UBXN2A: variants seen among roughly 807,000 people sequenced by gnomAD.
UBXN2A encodes the protein UBX domain protein 2A.
A neutral mutation model predicts 28.4 loss-of-function variants in UBXN2A; 28 were observed. The ratio of observed to expected loss-of-function variants is 0.99; its 90% CI spans 0.73 to 1.35. UBXN2A has a LOEUF of 1.35. Ranked by LOEUF, UBXN2A falls within the 40% of genes most tolerant of loss-of-function variation. UBXN2A has a pLI of 0.00. For synonymous variants in UBXN2A, 97 were observed against 103.6 expected (o/e 0.94, Z 0.39); for missense variants, 253 against 297.9 (o/e 0.85, Z 1.11).
chr2:23,939,764 G>C (rs1380353313), upstream of UBXN2A: 1 of 152,442 alleles, frequency 6.6e-6, no homozygotes, highest in Non-Finnish European at 1.5e-5. Context: ...GCATCCTTGA[G>C]TCCTGACAAA....
upstream of UBXN2A, among the ~76,000 whole-genome samples, chr2:23,936,516 G>A (rs1034995610): frequency 1.5e-4 from 23 of 151,268 alleles, no homozygotes; most frequent in African/African-American, 5.3e-4. Flanking sequence ...TTTGAGACTA[G>A]CCTGGGCAAC....
chr2:23,998,680 C>T (rs532356801), intron 6 of UBXN2A, among the ~76,000 whole-genome samples: 10 of 152,196 alleles, frequency 6.6e-5, no homozygotes, highest in South Asian at 2.1e-4. Flanking sequence ...AAGATCACGC[C>T]GCTGCATTCC....
At chr2:23,976,196 G>C (rs1261962115) in intron 3 of UBXN2A, among the ~76,000 whole-genome samples, 1 of 152,142 alleles carries the variant, frequency 6.6e-6, no homozygotes, top group African/African-American at 2.4e-5. Context: ...TGTAAATACT[G>C]TACAGCATAA....
intron 2 of UBXN2A, among the ~76,000 whole-genome samples, chr2:23,965,940 G>A (rs901471142): frequency 1.3e-5 from 2 of 152,062 alleles, no homozygotes; most frequent in Non-Finnish European, 2.9e-5. Flanking sequence ...TGTTTTGATA[G>A]AGGGTGCCTT....
chr2:23,927,879 A>C (rs1260053728), intron 1 of UBXN2A, among the ~76,000 whole-genome samples: 1 of 152,224 alleles, frequency 6.6e-6, no homozygotes, highest in Non-Finnish European at 1.5e-5. Context: ...AATTCATATG[A>C]AAAGCTCTGC....
chr2:23,992,763 T>C (rs72781653), intron 6 of UBXN2A, among the ~76,000 whole-genome samples: 18,685 of 152,230 alleles, frequency 0.12, 1,238 homozygotes, highest in Middle Eastern at 0.22. Flanking sequence ...CTGCCTGATA[T>C]TAATATGGTC....
Position 23,958,361 on chromosome 2 carries a change from T to C in UBXN2A, c.41+6T>C, listed in dbSNP as rs1706737526. 1 of 1,603,172 alleles carries C rather than the reference T, an allele frequency of 6.2e-7. No homozygotes were observed. The highest frequency in any genetic ancestry group is 8.5e-7 in the Non-Finnish European group (1 of 1,176,478). ...AAAAGTATAAAAGAAGAATGGTAAG[T>C]TAATTCAAACTGAATTGCTTTGTTA... On this transcript the variant is annotated splice_donor_region_variant and intron_variant, in intron 2 of 6. Coordinates refer to ENST00000309033, the MANE Select transcript of UBXN2A (RefSeq NM_181713.4).
At chr2:23,995,239 T>G (rs2150919344) in intron 6 of UBXN2A, among the ~76,000 whole-genome samples, 1 of 152,130 alleles carries the variant, frequency 6.6e-6, no homozygotes, top group South Asian at 2.1e-4. Flanking sequence ...TCTAATTCAC[T>G]GCTACAAATT....
chr2:23,967,074 C>T (rs1417024035), intron 2 of UBXN2A, among the ~76,000 whole-genome samples: 1 of 151,984 alleles, frequency 6.6e-6, no homozygotes, highest in Non-Finnish European at 1.5e-5. Flanking sequence ...TCTATTGTAA[C>T]TATTTCCTAC....
chr2:23,943,024 C>T (rs1335242597), intron 1 of UBXN2A, among the ~76,000 whole-genome samples: 1 of 151,014 alleles, frequency 6.6e-6, no homozygotes, highest in Non-Finnish European at 1.5e-5. Context: ...GGTGCAATCT[C>T]CGCTCACTGC....
At chr2:23,985,441 G>A (rs927477836) in intron 6 of UBXN2A, among the ~76,000 whole-genome samples, 1 of 152,020 alleles carries the variant, frequency 6.6e-6, no homozygotes, top group Non-Finnish European at 1.5e-5. Flanking sequence ...TAGAGACGGG[G>A]TTTCACCAGG....
upstream of UBXN2A, among the ~76,000 whole-genome samples, chr2:23,940,194 A>C (rs1192704280): frequency 6.6e-6 from 1 of 151,764 alleles, no homozygotes; most frequent in Non-Finnish European, 1.5e-5. Context: ...CATTGTCAGA[A>C]TGCAGGGATG....
chr2:23,942,923 GA>G (rs1321945763), intron 1 of UBXN2A, among the ~76,000 whole-genome samples: 25 of 139,542 alleles, frequency 1.8e-4, no homozygotes, highest in Admixed American at 7.1e-4. Flanking sequence ...ACCTCCGTCA[GA>G]AAAAAAAAAA....
At chr2:23,981,228 G>A (rs1012827415) in intron 4 of UBXN2A, among the ~76,000 whole-genome samples, 5 of 149,958 alleles carry the variant, frequency 3.3e-5, no homozygotes, top group African/African-American at 1.2e-4. Flanking sequence ...CAACACCTTC[G>A]GAGGCCAAGG....
chr2:23,966,728 G>A (rs1288161260), intron 2 of UBXN2A, among the ~76,000 whole-genome samples: 3 of 148,000 alleles, frequency 2.0e-5, no homozygotes, highest in East Asian at 2.0e-4. Flanking sequence ...TAGGATTACA[G>A]GCGTGAGCCA....
chr2:23,961,246 C>T (rs1157322037), intron 2 of UBXN2A, among the ~76,000 whole-genome samples: 2 of 151,640 alleles, frequency 1.3e-5, no homozygotes, highest in Admixed American at 1.3e-4. Flanking sequence ...CAGGTGTGTG[C>T]CACCACGCCT....
intron 4 of UBXN2A, among the ~76,000 whole-genome samples, chr2:23,982,299 G>A (rs889078799): frequency 1.3e-5 from 2 of 151,864 alleles, no homozygotes; most frequent in African/African-American, 2.4e-5. Context: ...CCCGGGAGGC[G>A]GAGCTTGCAG....
intron 6 of UBXN2A, among the ~76,000 whole-genome samples, chr2:23,992,816 CTACT>C (rs1434860768): frequency 6.6e-6 from 1 of 152,136 alleles, no homozygotes; most frequent in Non-Finnish European, 1.5e-5. Flanking sequence ...GTATATTTTT[CTACT>C]TACTTTTAAT....
intron 6 of UBXN2A, 138 bp downstream of exon 6, chr2:23,984,969 A>G (rs112187151): frequency 4.7e-6 from 4 of 844,784 alleles, no homozygotes; most frequent in African/African-American, 1.8e-5. Context: ...TGGCACAGTC[A>G]TAGCTCACTG....
Sources: allele counts gnomAD v4.1 joint callset (sites outside exome capture counted in the v4.1 genomes callset), GRCh38; gene constraint gnomAD v4.1.1; transcripts MANE v1.5; gene names NCBI Gene and HGNC (gene_info 2026-07-23, HGNC 2026-07-21).